Variants in CORO2B observed in about 807,000 individuals in gnomAD.
CORO2B encodes coronin 2B, also known as coronin-2B.
A neutral mutation model predicts 58.8 loss-of-function variants in CORO2B; 26 were observed. That is an observed-to-expected ratio of 0.44 (90% CI 0.32 to 0.61). The LOEUF (loss-of-function observed/expected upper bound fraction) is 0.61, where lower values mean the gene tolerates loss of function less well. Ranked by LOEUF, CORO2B falls within the 20% of genes least tolerant of loss-of-function variation. The probability of loss-of-function intolerance (pLI) is 0.04; values close to 1 mark genes in which losing one functional copy is unlikely to be tolerated. For synonymous variants in CORO2B, 242 were observed against 253.8 expected (o/e 0.95, Z 0.44); for missense variants, 460 against 645.1 (o/e 0.71, Z 3.11).
chr15:68,686,020 G>GTTTTTTTT (rs56168498), intron 2 of CORO2B, among the ~76,000 whole-genome samples: 1 of 103,332 alleles, frequency 9.7e-6, no homozygotes, highest in Non-Finnish European at 2.0e-5. Flanking sequence ...TCCTACTTCT[G>GTTTTTTTT]TTTTTTTTTT....
intron 2 of CORO2B, among the ~76,000 whole-genome samples, chr15:68,692,325 G>T (rs184109930): frequency 6.6e-6 from 1 of 152,084 alleles, no homozygotes; most frequent in Non-Finnish European, 1.5e-5. Context: ...TCAGCTGGGC[G>T]CAATGGCACA....
chr15:68,714,753 A>T, intron 7 of CORO2B, 90 bp downstream of exon 7: 1 of 989,178 alleles, frequency 1.0e-6, no homozygotes, highest in African/African-American at 1.6e-5. Flanking sequence ...CCTGGAGAGT[A>T]GCCAGCCTAA....
At position 68,645,150 on chromosome 15, in the gene CORO2B, C is replaced by T. The variant is rs1034551142; in HGVS notation, c.16-10C>T. 14 of 1,613,276 alleles carry T rather than the reference C, an allele frequency of 8.7e-6. No homozygotes were observed. Among genetic ancestry groups the T allele is most frequent in the Admixed American group, 1.7e-5 (1 of 59,932 alleles). On this transcript the variant is annotated splice_polypyrimidine_tract_variant and intron_variant, in intron 1 of 11. Transcript: ENST00000261861. This position sits in a 1 kb window ranked among gnomAD's most constrained non-coding sequence, Gnocchi z 4.5. ...CCAGCCTGACCCTTGTCTCTCCTGG[C>T]CCCTCACAGATGTCCTGGCGTCCGC...
intron 2 of CORO2B, among the ~76,000 whole-genome samples, chr15:68,649,519 G>A (rs923414215): frequency 5.3e-5 from 8 of 152,186 alleles, no homozygotes; most frequent in African/African-American, 1.7e-4. Flanking sequence ...ATGCTGTAGA[G>A]CAGTCTCGTT....
chr15:68,691,343 A>AAAAGAAAAAAAAAGT (rs1451283652), intron 2 of CORO2B, among the ~76,000 whole-genome samples: 1 of 16,846 alleles, frequency 5.9e-5, no homozygotes, highest in African/African-American at 8.4e-5. Flanking sequence ...AAAAAAAAAA[A>AAAAGAAAAAAAAAGT]GGCCGGGCGC....
At chr15:68,679,913 A>G (rs1453235747) in intron 2 of CORO2B, among the ~76,000 whole-genome samples, 3 of 152,168 alleles carry the variant, frequency 2.0e-5, no homozygotes, top group Non-Finnish European at 4.4e-5. Context: ...GGCCCCTTAC[A>G]TATCCCTGAT....
At chr15:68,686,355 G>A (rs1230065346) in intron 2 of CORO2B, among the ~76,000 whole-genome samples, 2 of 151,924 alleles carry the variant, frequency 1.3e-5, no homozygotes, top group African/African-American at 4.8e-5. Flanking sequence ...GATTTCTAAT[G>A]ACTTTCCTCC....
intron 1 of CORO2B, among the ~76,000 whole-genome samples, chr15:68,627,672 T>C (rs963993942): frequency 2.0e-5 from 3 of 152,092 alleles, no homozygotes; most frequent in African/African-American, 7.2e-5. Context: ...CGGGGAGATG[T>C]AAGCAGGAAA....
rs1175361011 is a variant in CORO2B at position 68,714,780 on chromosome 15, GCCTCA to G, written c.870+121_870+125del. ...CCAGCCTAACCTTCCAAGTTCCTGG[GCCTCA>G]CCTTTCCCATCCACACCTGCCCTCA... On this transcript the variant is annotated intron_variant, in intron 7 of 11. Transcript: ENST00000261861. 5 of 763,380 alleles carry G rather than the reference GCCTCA, an allele frequency of 6.5e-6. No homozygotes were observed. In the East Asian group the frequency reaches 1.2e-4, roughly 19 times the overall value. The allele number at this position is 763,380 out of a possible 1,614,324, so 47.3% of individuals were successfully genotyped here. A position where few individuals can be genotyped will look rare whatever the true frequency, so the allele number is the denominator to read the frequency against.
intron 11 of CORO2B, among the ~76,000 whole-genome samples, chr15:68,723,575 T>G (rs1168811266): frequency 6.6e-6 from 1 of 151,988 alleles, no homozygotes; most frequent in Admixed American, 6.6e-5. Flanking sequence ...TGCTTCAGCC[T>G]CCCGAGTAGC....
At chr15:68,670,443 G>A (rs2140295009) in intron 2 of CORO2B, among the ~76,000 whole-genome samples, 1 of 152,118 alleles carries the variant, frequency 6.6e-6, no homozygotes, top group East Asian at 1.9e-4. Context: ...GCCTCTCAAA[G>A]TGCTGGGATT....
chr15:68,667,935 CTTAT>C (rs916865542), intron 2 of CORO2B, among the ~76,000 whole-genome samples: 6 of 152,304 alleles, frequency 3.9e-5, no homozygotes, highest in Admixed American at 1.3e-4. Context: ...CCTTGGATTT[CTTAT>C]TTGTAAACGA....
intron 2 of CORO2B, among the ~76,000 whole-genome samples, chr15:68,658,707 C>T (rs1242093663): frequency 6.6e-6 from 1 of 152,244 alleles, no homozygotes; most frequent in Non-Finnish European, 1.5e-5. Context: ...AAGACCTACT[C>T]TTTGGGATTG....
chr15:68,682,820 CT>C (rs1197326742), intron 2 of CORO2B, among the ~76,000 whole-genome samples: 1 of 152,178 alleles, frequency 6.6e-6, no homozygotes, highest in Non-Finnish European at 1.5e-5. Flanking sequence ...TGTAGCAGTG[CT>C]TTAGTAATGC....
chr15:68,605,531 A>G (rs940519483), intron 1 of CORO2B, among the ~76,000 whole-genome samples: 5 of 152,216 alleles, frequency 3.3e-5, no homozygotes, highest in Non-Finnish European at 5.9e-5. Flanking sequence ...CCAAAATGAT[A>G]TGGCAGTGTG....
At chr15:68,534,162 T>G in the CORO2B span, among the ~76,000 whole-genome samples, 1 of 152,242 alleles carries the variant, frequency 6.6e-6, no homozygotes, top group Non-Finnish European at 1.5e-5. Flanking sequence ...ACTTCTTTCT[T>G]GCCCTTCTAG....
rs767471997 is a variant in CORO2B at position 68,645,182 on chromosome 15, G to A, written c.38G>A (p.Arg13His). 34 of 1,613,992 alleles carry A rather than the reference G, an allele frequency of 2.1e-5. No homozygotes were observed. The East Asian group carries it at 5.8e-4, about 28-fold the overall frequency. ...VTKMSWRPQY[R>H]SSKFRNVYGK... ...CAGATGTCCTGGCGTCCGCAATACC[G>A]TAGCTCCAAGTTCCGGAATGTCTAC... The change falls in exon 2 of 12, where the codon CGT becomes CAT. Residue 13 changes from arginine to histidine, a missense_variant. Physicochemically the swap from Arg to His is conservative, Grantham distance 29. Around this residue, in one of 2 missense-constraint regions of CORO2B, gnomAD observed 352 missense variants for 543.0 expected, o/e 0.65. Coordinates refer to ENST00000261861, the MANE Select transcript of CORO2B (RefSeq NM_006091.5). This position sits in a 1 kb window ranked among gnomAD's most constrained non-coding sequence, Gnocchi z 4.5.
upstream of CORO2B, among the ~76,000 whole-genome samples, chr15:68,576,999 G>A (rs748014963): frequency 2.0e-5 from 3 of 152,120 alleles, no homozygotes; most frequent in Admixed American, 6.5e-5. Context: ...AGGTGGTGCC[G>A]TGAGAGGTGG....
rs572945797 is a variant in CORO2B at position 68,723,537 on chromosome 15, C to T, written c.1312-2306C>T. On this transcript the variant is annotated intron_variant, in intron 11 of 11. Transcript: ENST00000261861. ...TGGCATGATCTCGGCTCACTGCAAC[C>T]TCCACCTCCCGGGTTCAAGCAATTC... 5.9e-5 allele frequency among the ~76,000 whole-genome samples: 9 copies of T among 152,118 alleles called. No individual in the cohort carries two copies. In the South Asian group the frequency reaches 1.9e-3, roughly 32 times the overall value.
Sources: gnomAD v4.1 joint callset for allele counts (sites outside exome capture counted in the v4.1 genomes callset) on GRCh38, gnomAD v4.1.1 for gene constraint, gnomAD v4.1.1 regional missense constraint, Gnocchi (gnomAD v3.1) non-coding constraint, MANE v1.5 for transcripts, NCBI Gene and HGNC (gene_info 2026-07-23, HGNC 2026-07-21) for gene names.